GLYATL1: variants seen among roughly 807,000 people sequenced by gnomAD.
The protein encoded by GLYATL1 is glycine N-acyltransferase-like protein 1.
GLYATL1 carries 15 observed loss-of-function variants against 20.0 expected under a neutral mutation model. The observed-to-expected ratio is 0.75, with a 90% confidence interval of 0.50 to 1.15. The LOEUF (loss-of-function observed/expected upper bound fraction) is 1.15, where lower values mean the gene tolerates loss of function less well. Ranked by LOEUF, GLYATL1 falls within the 50% of genes most tolerant of loss-of-function variation. The pLI, the probability that GLYATL1 is intolerant of heterozygous loss-of-function variation, is 0.00. For synonymous variants in GLYATL1, 151 were observed against 131.5 expected (o/e 1.15, Z -1.01); for missense variants, 380 against 368.5 (o/e 1.03, Z -0.26).
Position 58,943,606 on chromosome 11 carries a change from G to C in GLYATL1, c.-103G>C. On this transcript the variant is annotated 5_prime_UTR_variant, in exon 2 of 7. Coordinates refer to ENST00000532726, the MANE Select transcript of GLYATL1 (RefSeq NM_001389712.2). The stretch of plus-strand genomic sequence containing the variant: ...ATCCCCAGGAGCGCGAAGTGAACAC[G>C]GAAGGTACCTGCAGGATCCAATTGT... 2 of 1,613,552 alleles carry C rather than the reference G, an allele frequency of 1.2e-6. No individual in the cohort carries two copies. The highest frequency in any genetic ancestry group is 1.7e-6 in the Non-Finnish European group (2 of 1,179,572).
chr11:58,922,933 C>A (rs1855342868), upstream of GLYATL1, among the ~76,000 whole-genome samples: 1 of 152,180 alleles, frequency 6.6e-6, no homozygotes, highest in Non-Finnish European at 1.5e-5. Context: ...AGCCAGCCAG[C>A]CAACACTAAA....
Position 58,955,786 on chromosome 11 carries a change from T to C in GLYATL1, c.668T>C (p.Met223Thr), listed in dbSNP as rs765274590. Residue 223 changes from methionine (M) to threonine (T), a missense_variant, in exon 7 of 7, where the codon ATG becomes ACG. Met to Thr is a moderately conservative substitution (Grantham distance 81). Transcript: ENST00000532726. ...GGAGTCCCGGTCTCATGGGTAACCATGGACCCTTCTTGTGAAGTAGGAATG... is the reference window on the plus strand; with the variant it reads ...GGAGTCCCGGTCTCATGGGTAACCACGGACCCTTCTTGTGAAGTAGGAATG... Reference protein sequence around the residue: ...PEGVPVSWVTMDPSCEVGMAY... With the variant: ...PEGVPVSWVTTDPSCEVGMAY... 1 of 1,614,210 alleles carries C rather than the reference T, an allele frequency of 6.2e-7. No individual in the cohort carries two copies. Among genetic ancestry groups the C allele is most frequent in the East Asian group, 2.2e-5 (1 of 44,884 alleles).
chr11:58,909,062 A>G (rs1052112154), downstream of GLYATL1, among the ~76,000 whole-genome samples: 2 of 152,228 alleles, frequency 1.3e-5, no homozygotes, highest in Admixed American at 1.3e-4. Context: ...TTTGTTCAAA[A>G]TATGGAAAAT....
chr11:58,951,605 A>G (rs1451326624), intron 4 of GLYATL1, among the ~76,000 whole-genome samples: 2 of 152,110 alleles, frequency 1.3e-5, no homozygotes, highest in Non-Finnish European at 2.9e-5. Context: ...GGAAGAATTA[A>G]TATTTTTGTG....
chr11:58,925,689 T>G (rs936055409), upstream of GLYATL1, among the ~76,000 whole-genome samples: 4 of 152,258 alleles, frequency 2.6e-5, no homozygotes, highest in African/African-American at 9.6e-5. Context: ...ATAAAACTGC[T>G]GGTTTTATGC....
rs112396597 is a variant in GLYATL1 at position 58,947,037 on chromosome 11, T to C, written c.-42-9T>C. The C allele has an allele frequency of 6.2e-7, 1 of 1,603,368 alleles. No individual in the cohort carries two copies. The highest frequency in any genetic ancestry group is 8.5e-7 in the Non-Finnish European group (1 of 1,170,094). On this transcript the variant is annotated splice_polypyrimidine_tract_variant and intron_variant, in intron 2 of 6. Coordinates refer to ENST00000532726, the MANE Select transcript of GLYATL1 (RefSeq NM_001389712.2). ...CTTAACATTTTCCCTTCATTTCTTA[T>C]CTTTTCAGAGTTTCTTCTTCAAGGT...
intron 1 of GLYATL1, among the ~76,000 whole-genome samples, chr11:58,906,392 G>C (rs979440098): frequency 2.0e-5 from 3 of 152,186 alleles, no homozygotes; most frequent in African/African-American, 7.2e-5. Context: ...CATAGAATGA[G>C]ACCAGGTTCG....
chr11:58,916,776 C>T (rs1315451274), intron 1 of GLYATL1, among the ~76,000 whole-genome samples: 5 of 152,176 alleles, frequency 3.3e-5, no homozygotes, highest in African/African-American at 1.2e-4. Context: ...TAAAAAGGTA[C>T]AAACAAAGCA....
intron 1 of GLYATL1, among the ~76,000 whole-genome samples, chr11:58,922,376 A>C (rs1855330090): frequency 6.6e-6 from 1 of 152,196 alleles, no homozygotes; most frequent in African/African-American, 2.4e-5. Flanking sequence ...AGTGGTTCAA[A>C]AAAACTGGTA....
intron 1 of GLYATL1, among the ~76,000 whole-genome samples, chr11:58,918,400 T>A (rs1855229067): frequency 6.6e-6 from 1 of 152,208 alleles, no homozygotes; most frequent in East Asian, 1.9e-4. Flanking sequence ...CAGCAATTTG[T>A]TAGGTTGTCT....
chr11:58,944,110 AC>A (rs1856391021), intron 2 of GLYATL1, among the ~76,000 whole-genome samples: 1 of 152,186 alleles, frequency 6.6e-6, no homozygotes, highest in Non-Finnish European at 1.5e-5. Flanking sequence ...AGGACTGTAT[AC>A]CAAGTCTTAC....
At chr11:58,926,162 G>A (rs1855422660), upstream of GLYATL1, among the ~76,000 whole-genome samples, 2 of 152,218 alleles carry the variant, frequency 1.3e-5, no homozygotes, top group African/African-American at 4.8e-5. Context: ...ACTTGTTGAA[G>A]GAGGGGACGT....
downstream of GLYATL1, among the ~76,000 whole-genome samples, chr11:58,909,875 G>T (rs931106022): frequency 2.0e-5 from 3 of 152,180 alleles, no homozygotes; most frequent in Non-Finnish European, 4.4e-5. Flanking sequence ...TCTTAATTCA[G>T]TTTTATACAA....
chr11:58,919,628 C>T (rs533515040), intron 1 of GLYATL1, among the ~76,000 whole-genome samples: 3 of 152,074 alleles, frequency 2.0e-5, no homozygotes, highest in African/African-American at 7.2e-5. Context: ...TCAAACAACC[C>T]CGAAAAGGTA....
chr11:58,911,017 T>G (rs1398331490), downstream of GLYATL1, among the ~76,000 whole-genome samples: 2 of 152,204 alleles, frequency 1.3e-5, no homozygotes, highest in East Asian at 3.8e-4. Flanking sequence ...CAACCACTAA[T>G]CTCTTCGTTA....
chr11:58,943,940 C>T (rs1346972024), intron 2 of GLYATL1, among the ~76,000 whole-genome samples: 2 of 135,318 alleles, frequency 1.5e-5, no homozygotes, highest in African/African-American at 5.5e-5. Flanking sequence ...TGTGTTCTAC[C>T]CCTTTGTTTC....
At position 58,905,707 on chromosome 11, in the gene GLYATL1, C is replaced by A. The variant is rs766121137; in HGVS notation, n.238+46C>A. On this transcript the variant is annotated intron_variant and non_coding_transcript_variant, in intron 1 of 1. Transcript: ENST00000524629. Reference sequence around the variant, plus strand: ...GACCGAGTGGTTCGGGGGAGGGGATCGCTGGGACCGGGATGGGTCATCTGG... The same window carrying A: ...GACCGAGTGGTTCGGGGGAGGGGATAGCTGGGACCGGGATGGGTCATCTGG... The A allele has an allele frequency of 1.0e-4, 19 of 189,160 alleles. No homozygotes were observed. The East Asian group carries it at 3.4e-3, about 34-fold the overall frequency. The allele number at this position is 189,160 out of a possible 1,614,324, so 11.7% of individuals were successfully genotyped here. A position where few individuals can be genotyped will look rare whatever the true frequency, so the allele number is the denominator to read the frequency against.
intron 2 of GLYATL1, 96 bp from the exon 3 acceptor site, chr11:58,946,950 C>G: frequency 2.3e-6 from 2 of 860,282 alleles, no homozygotes; most frequent in Admixed American, 3.5e-5. Context: ...ACTAACAGTA[C>G]CTACATCACG....
upstream of GLYATL1, among the ~76,000 whole-genome samples, chr11:58,936,555 G>A (rs1320690390): frequency 6.6e-6 from 1 of 152,186 alleles, no homozygotes; most frequent in Non-Finnish European, 1.5e-5. Context: ...CACAGTTTTG[G>A]GACATGGCTT....
Sources: allele counts gnomAD v4.1 joint callset (sites outside exome capture counted in the v4.1 genomes callset), GRCh38; gene constraint gnomAD v4.1.1; transcripts MANE v1.5; gene names NCBI Gene and HGNC (gene_info 2026-07-23, HGNC 2026-07-21).